The following ROBO1 variants were observed in gnomAD, a reference collection of about 807,000 sequenced individuals.
ROBO1 encodes roundabout guidance receptor 1.
ROBO1 carries 149 observed loss-of-function variants against 195.9 expected under a neutral mutation model. The ratio of observed to expected loss-of-function variants is 0.76; its 90% CI spans 0.67 to 0.87. ROBO1 has a LOEUF of 0.87. Among genes scored for constraint, ROBO1 ranks in the 40% least tolerant of loss-of-function variants. ROBO1 has a pLI of 0.00. For synonymous variants in ROBO1, 816 were observed against 733.2 expected, an observed-to-expected ratio of 1.11 and a Z score of -1.82; for missense variants, 1,933 against 2,068.3, an observed-to-expected ratio of 0.93 and a Z score of 1.27.
At position 79,657,986 on chromosome 3, in the gene ROBO1, T is replaced by A. The variant is rs149698456; in HGVS notation, c.-50-68025A>T. Among the ~76,000 whole-genome samples, 872 of 152,166 alleles carry A rather than the reference T, an allele frequency of 5.7e-3. 6 individuals are homozygous for A. The highest frequency in any genetic ancestry group is 0.018 in the African/African-American group (758 of 41,540). ...AGAAAAAATTGTATGTAATGTCAGG[T>A]GGCTGAATATAGGAAAAAGATATAT... On this transcript the variant is annotated intron_variant, in intron 1 of 30. Transcript: ENST00000464233.
intron 22 of ROBO1, 93 bp downstream of exon 22, chr3:78,639,651 T>A: frequency 7.8e-7 from 1 of 1,278,960 alleles, no homozygotes; most frequent in Non-Finnish European, 1.1e-6. Context: ...GGGTCAAATT[T>A]TATCTTTCCC....
At chr3:79,288,434 G>A (rs904600465) in intron 2 of ROBO1, among the ~76,000 whole-genome samples, 2 of 152,226 alleles carry the variant, frequency 1.3e-5, no homozygotes. Flanking sequence ...ATTGCCACTC[G>A]ATATTCAGCA....
chr3:78,725,948 T>C (rs114087369), intron 5 of ROBO1, among the ~76,000 whole-genome samples: 33,922 of 144,326 alleles, frequency 0.24, 3,887 homozygotes, highest in East Asian at 0.25. Flanking sequence ...TTTTTTTTTT[T>C]CAGACATCAC....
chr3:79,249,509 T>A (rs80052011), intron 2 of ROBO1, among the ~76,000 whole-genome samples: 13,987 of 152,144 alleles, frequency 0.092, 1,244 homozygotes, highest in African/African-American at 0.23. Flanking sequence ...AAAACAATAC[T>A]AGAGATTGTT....
intron 2 of ROBO1, among the ~76,000 whole-genome samples, chr3:79,488,950 G>T (rs930479568): frequency 5.3e-5 from 8 of 152,060 alleles, no homozygotes; most frequent in African/African-American, 1.7e-4. Context: ...AGTCTCCAAA[G>T]TCAGAACTGA....
At chr3:79,743,271 T>G (rs576714305) in intron 1 of ROBO1, among the ~76,000 whole-genome samples, 1 of 152,324 alleles carries the variant, frequency 6.6e-6, no homozygotes, top group South Asian at 2.1e-4. Flanking sequence ...GTACAAAAGG[T>G]TACTTTACTG....
intron 2 of ROBO1, among the ~76,000 whole-genome samples, chr3:79,441,721 A>C (rs1448080874): frequency 1.3e-5 from 2 of 152,124 alleles, no homozygotes; most frequent in African/African-American, 2.4e-5. Flanking sequence ...CAAAGGAAAA[A>C]AACGAATCTC....
chr3:78,743,097 T>G (rs1335660768), intron 5 of ROBO1, among the ~76,000 whole-genome samples: 1 of 152,150 alleles, frequency 6.6e-6, no homozygotes, highest in African/African-American at 2.4e-5. Context: ...CCTTTAAAAT[T>G]AACTGAGATC....
At chr3:79,087,018 T>C (rs1461970596) in intron 3 of ROBO1, among the ~76,000 whole-genome samples, 1 of 152,058 alleles carries the variant, frequency 6.6e-6, no homozygotes, top group Admixed American at 6.6e-5. Flanking sequence ...CTTTAATAAT[T>C]ACTGCAGCTG....
At chr3:79,579,372 T>G (rs1382878932) in intron 2 of ROBO1, among the ~76,000 whole-genome samples, 1 of 152,188 alleles carries the variant, frequency 6.6e-6, no homozygotes, top group Non-Finnish European at 1.5e-5. Context: ...TACAGGTTCT[T>G]GTGAAGCAGA....
Position 79,412,874 on chromosome 3 carries a change from A to ATTTTTTTTTTTTTTTTTTTTT in ROBO1, c.88+176929_88+176949dup, listed in dbSNP as rs1167482550. Among the ~76,000 whole-genome samples the ATTTTTTTTTTTTTTTTTTTTT allele has an allele frequency of 5.2e-5, 2 of 38,338 alleles. 1 individual carries two copies. Among genetic ancestry groups the ATTTTTTTTTTTTTTTTTTTTT allele is most frequent in the Non-Finnish European group, 8.6e-5 (2 of 23,200 alleles). 25.2% of individuals were successfully genotyped at this position (38,338 alleles called of 152,430 possible). A position where few individuals can be genotyped will look rare whatever the true frequency, so the allele number is the denominator to read the frequency against. ...AATGATTTTATTGCCTCATGAGCTG[A>ATTTTTTTTTTTTTTTTTTTTT]TTTTTTTTTTTTTTTTTTTTTTTTT... is the stretch of plus-strand genomic sequence containing the variant. On this transcript the variant is annotated intron_variant, in intron 2 of 30. Coordinates refer to ENST00000464233, the MANE Select transcript of ROBO1 (RefSeq NM_002941.4).
At chr3:78,780,572 C>A (rs2083646645) in intron 4 of ROBO1, among the ~76,000 whole-genome samples, 1 of 151,994 alleles carries the variant, frequency 6.6e-6, no homozygotes, top group Non-Finnish European at 1.5e-5. Flanking sequence ...ATAATTTTAA[C>A]GTTGAGACAG....
intron 2 of ROBO1, among the ~76,000 whole-genome samples, chr3:79,522,864 C>G (rs1449222343): frequency 6.6e-6 from 1 of 152,128 alleles, no homozygotes; most frequent in Non-Finnish European, 1.5e-5. Flanking sequence ...TTCAACTCCA[C>G]TCATTGTCTG....
At chr3:78,852,251 A>G (rs976881414) in intron 4 of ROBO1, among the ~76,000 whole-genome samples, 14 of 152,138 alleles carry the variant, frequency 9.2e-5, no homozygotes, top group African/African-American at 3.4e-4. Context: ...TAGAAGTGCA[A>G]AGATGATTTG....
At chr3:79,133,718 T>A (rs1408054258) in intron 2 of ROBO1, among the ~76,000 whole-genome samples, 1 of 115,722 alleles carries the variant, frequency 8.6e-6, no homozygotes, top group Non-Finnish European at 1.8e-5. Flanking sequence ...TTTGTTCCGT[T>A]GCTGGTGAGG....
At chr3:78,697,224 G>A (rs1260956400) in intron 8 of ROBO1, among the ~76,000 whole-genome samples, 1 of 149,156 alleles carries the variant, frequency 6.7e-6, no homozygotes, top group South Asian at 2.2e-4. Flanking sequence ...TAAGAAGAGA[G>A]CAAGGAAGTA....
intron 3 of ROBO1, among the ~76,000 whole-genome samples, chr3:78,979,792 G>A (rs182978770): frequency 6.6e-6 from 1 of 151,558 alleles, no homozygotes; most frequent in Admixed American, 6.6e-5. Flanking sequence ...GACAGGATGC[G>A]GGCAGAAGGA....
rs368809965 is a variant in ROBO1 at position 79,585,561 on chromosome 3, T to G, written c.88+4263A>C. ...CATCAAATCTGCTCCTCCAAATCCT[T>G]GCAACATAGAAAACAAGTATCTCCA... On this transcript the variant is annotated intron_variant, in intron 2 of 30. Transcript: ENST00000464233. 2.8e-4 allele frequency among the ~76,000 whole-genome samples: 43 copies of G among 152,046 alleles called. 1 individual carries two copies. In the East Asian group the frequency reaches 4.8e-3, roughly 17 times the overall value.
chr3:79,748,817 T>A (rs897230045), intron 1 of ROBO1, among the ~76,000 whole-genome samples: 1 of 152,162 alleles, frequency 6.6e-6, no homozygotes, highest in African/African-American at 2.4e-5. Flanking sequence ...CCACCATGAT[T>A]GTGAGACTTC....
Sources: allele counts gnomAD v4.1 joint callset (sites outside exome capture counted in the v4.1 genomes callset), GRCh38; gene constraint gnomAD v4.1.1; transcripts MANE v1.5; gene names NCBI Gene and HGNC (gene_info 2026-07-23, HGNC 2026-07-21).